Variants in ATP8A2 observed in about 807,000 individuals in gnomAD.
The protein encoded by ATP8A2 is ATPase phospholipid transporting 8A2, also known as phospholipid-transporting ATPase IB.
ATP8A2 carries 100 observed loss-of-function variants against 165.6 expected under a neutral mutation model. The observed-to-expected ratio is 0.60, with a 90% CI of 0.51 to 0.71. ATP8A2 has a LOEUF of 0.71. Among genes scored for constraint, ATP8A2 ranks in the 30% least tolerant of loss-of-function variants. ATP8A2 has a pLI of 0.00. For missense variants in ATP8A2, 1,227 were observed against 1,479.5 expected (o/e 0.83, Z 2.80); for synonymous variants, 543 against 548.8 (o/e 0.99, Z 0.15).
chr13:25,925,377 A>G (rs1375237035), intron 33 of ATP8A2, among the ~76,000 whole-genome samples: 1 of 152,056 alleles, frequency 6.6e-6, no homozygotes, highest in East Asian at 2.0e-4. Flanking sequence ...TACTAAAAAT[A>G]CAAAAAAGTA....
At position 25,559,331 on chromosome 13, in the gene ATP8A2, G is replaced by A. The variant is rs1350528574; in HGVS notation, c.1352+270G>A. Among the ~76,000 whole-genome samples, 4 of 152,134 alleles carry A rather than the reference G, an allele frequency of 2.6e-5. No individual in the cohort carries two copies. The East Asian group carries it at 7.7e-4, about 29-fold the overall frequency. On this transcript the variant is annotated intron_variant, in intron 14 of 36. Transcript: ENST00000381655. ...GTGGATTGCCTGAGGTTGGGAGTTCGAGATCAGCCTGGCTAACATGATGAA... is the reference window on the plus strand; with the variant it reads ...GTGGATTGCCTGAGGTTGGGAGTTCAAGATCAGCCTGGCTAACATGATGAA...
chr13:25,608,858 C>T (rs1262012698), intron 24 of ATP8A2, among the ~76,000 whole-genome samples: 1 of 152,168 alleles, frequency 6.6e-6, no homozygotes, highest in South Asian at 2.1e-4. Flanking sequence ...GTGCTATGCC[C>T]TTGCCCAAGA....
intron 27 of ATP8A2, among the ~76,000 whole-genome samples, chr13:25,819,110 C>T (rs1256930404): frequency 1.3e-5 from 2 of 152,002 alleles, no homozygotes; most frequent in Admixed American, 6.6e-5. Flanking sequence ...TCTTTGCACT[C>T]ATACAAATGT....
At chr13:25,492,812 G>C (rs2036566870) in intron 2 of ATP8A2, among the ~76,000 whole-genome samples, 1 of 152,174 alleles carries the variant, frequency 6.6e-6, no homozygotes, top group South Asian at 2.1e-4. Flanking sequence ...CGCAGCCCCT[G>C]CTGTTTGGAG....
intron 2 of ATP8A2, among the ~76,000 whole-genome samples, chr13:25,527,944 A>G (rs554431688): frequency 2.6e-5 from 4 of 152,308 alleles, no homozygotes; most frequent in Non-Finnish European, 5.9e-5. Context: ...CTTATTTTAC[A>G]GTATGTGAAC....
At chr13:25,536,410 C>T (rs2038287214) in intron 6 of ATP8A2, among the ~76,000 whole-genome samples, 1 of 152,160 alleles carries the variant, frequency 6.6e-6, no homozygotes, top group South Asian at 2.1e-4. Context: ...GCCACTGTGC[C>T]TGGCCAAAAT....
Position 25,892,478 on chromosome 13 carries a change from G to GTCTCTCTCTCTCTCTCTCTCTCTCTCTC in ATP8A2, c.3183+30096_3183+30097insTCTCTCTCTCTCTCTCTCTCTCTCTCTC, listed in dbSNP as rs144283908. On this transcript the variant is annotated intron_variant, in intron 33 of 36. Coordinates refer to ENST00000381655, the MANE Select transcript of ATP8A2 (RefSeq NM_016529.6). ...CATTTCTCTCTCTCTCTGTCTCTCTGTCTCTCTCTCTCTCTCTCTCTCTCT... is the reference window on the plus strand; with the variant it reads ...CATTTCTCTCTCTCTCTGTCTCTCTGTCTCTCTCTCTCTCTCTCTCTCTCTCTCTCTCTCTCTCTCTCTCTCTCTCTCT... Among the ~76,000 whole-genome samples the GTCTCTCTCTCTCTCTCTCTCTCTCTCTC allele has an allele frequency of 6.5e-3, 879 of 136,104 alleles. 73 individuals carry two copies. The highest frequency in any genetic ancestry group is 0.023 in the African/African-American group (782 of 33,730). 89.3% of individuals were successfully genotyped at this position (136,104 alleles called of 152,430 possible).
chr13:25,977,689 T>A (rs570942075), intron 35 of ATP8A2, among the ~76,000 whole-genome samples: 17 of 152,300 alleles, frequency 1.1e-4, no homozygotes, highest in Admixed American at 5.9e-4. Flanking sequence ...AATTAGAAAA[T>A]TTTTAAATTA....
rs770429655 is a variant in ATP8A2 at position 25,530,540 on chromosome 13, C to T, written c.322-22C>T. 8 of 1,422,134 alleles carry T rather than the reference C, an allele frequency of 5.6e-6. No homozygotes were observed. In the South Asian group the frequency reaches 8.5e-5, roughly 15 times the overall value. 88.1% of individuals were successfully genotyped at this position (1,422,134 alleles called of 1,614,324 possible). On this transcript the variant is annotated intron_variant, in intron 3 of 36. Transcript: ENST00000381655. ...GGATTTTTAATGTGCCAACTTCCTA[C>T]TTGTGGTCTCTTATCTTCCAGCAAA...
At chr13:25,784,480 G>A (rs2044971557) in intron 27 of ATP8A2, among the ~76,000 whole-genome samples, 1 of 152,216 alleles carries the variant, frequency 6.6e-6, no homozygotes, top group South Asian at 2.1e-4. Flanking sequence ...AGTACTGATT[G>A]CAGGCAAGGG....
intron 26 of ATP8A2, among the ~76,000 whole-genome samples, chr13:25,774,211 A>T (rs928263511): frequency 6.6e-5 from 10 of 152,254 alleles, no homozygotes; most frequent in Non-Finnish European, 1.0e-4. Context: ...CACATACACC[A>T]TGGAATACTA....
At chr13:25,868,371 G>A (rs911080863) in intron 33 of ATP8A2, among the ~76,000 whole-genome samples, 3 of 152,086 alleles carry the variant, frequency 2.0e-5, no homozygotes, top group African/African-American at 7.2e-5. Context: ...CTCAAGTATC[G>A]TATTTTAGAA....
chr13:25,381,717 C>G (rs529165711), intron 1 of ATP8A2, among the ~76,000 whole-genome samples: 6 of 152,290 alleles, frequency 3.9e-5, no homozygotes, highest in African/African-American at 1.4e-4. Flanking sequence ...TGTCTGCAGT[C>G]TGTGATATTT....
intron 28 of ATP8A2, among the ~76,000 whole-genome samples, chr13:25,829,650 G>T (rs1234009257): frequency 8.5e-6 from 1 of 117,496 alleles, no homozygotes; most frequent in African/African-American, 3.2e-5. Context: ...TTTTGTTGTA[G>T]AGCCAAGGAC....
intron 27 of ATP8A2, among the ~76,000 whole-genome samples, chr13:25,790,182 A>T (rs915579953): frequency 4.6e-5 from 7 of 152,238 alleles, no homozygotes; most frequent in African/African-American, 1.7e-4. Flanking sequence ...TTTCATGATG[A>T]AGATGGCAAA....
At chr13:25,910,223 G>A (rs1326084265) in intron 33 of ATP8A2, among the ~76,000 whole-genome samples, 1 of 152,106 alleles carries the variant, frequency 6.6e-6, no homozygotes, top group Non-Finnish European at 1.5e-5. Context: ...TGCAGAATTG[G>A]CATTTTTGCT....
intron 35 of ATP8A2, among the ~76,000 whole-genome samples, chr13:25,986,225 A>T (rs1956278900): frequency 1.3e-5 from 2 of 152,210 alleles, no homozygotes; most frequent in African/African-American, 4.8e-5. Context: ...TGTGGTGAGA[A>T]CACTGAAGAT....
At chr13:25,507,753 C>T (rs373628428) in intron 2 of ATP8A2, among the ~76,000 whole-genome samples, 14 of 152,216 alleles carry the variant, frequency 9.2e-5, no homozygotes, top group African/African-American at 3.4e-4. Flanking sequence ...AATACTAAAC[C>T]AAGGTGCTAT....
intron 33 of ATP8A2, among the ~76,000 whole-genome samples, chr13:25,925,260 G>C (rs538573809): frequency 2.6e-5 from 4 of 152,128 alleles, no homozygotes; most frequent in African/African-American, 9.7e-5. Flanking sequence ...GGGGCAGGGC[G>C]CTGTGGCTCA....
Sources: gnomAD v4.1 joint callset for allele counts (sites outside exome capture counted in the v4.1 genomes callset) on GRCh38, gnomAD v4.1.1 for gene constraint, MANE v1.5 for transcripts, NCBI Gene and HGNC (gene_info 2026-07-23, HGNC 2026-07-21) for gene names.